Variants in DROSHA observed in about 807,000 individuals in gnomAD.
The protein encoded by DROSHA is drosha ribonuclease III, also known as ribonuclease 3.
A neutral mutation model predicts 181.9 loss-of-function variants in DROSHA; 56 were observed. The ratio of observed to expected loss-of-function variants is 0.31; its 90% CI spans 0.25 to 0.38. The LOEUF is 0.38. Among genes scored for constraint, DROSHA ranks in the 10% least tolerant of loss-of-function variants. DROSHA has a pLI of 1.00. For synonymous variants in DROSHA, 524 were observed against 591.2 expected (o/e 0.89, Z 1.65); for missense variants, 1,218 against 1,743.5 (o/e 0.70, Z 5.37).
chr5:31,463,280 A>G (rs1299732003), intron 20 of DROSHA, among the ~76,000 whole-genome samples: 1 of 152,234 alleles, frequency 6.6e-6, no homozygotes, highest in Non-Finnish European at 1.5e-5. Flanking sequence ...ATGCAAAAAT[A>G]GTTAGCTTTG....
At chr5:31,421,932 GTA>G (rs998373971) in intron 29 of DROSHA, 5 of 108,528 alleles carry the variant, frequency 4.6e-5, no homozygotes, top group African/African-American at 2.3e-4. Flanking sequence ...GTGTGTGTGT[GTA>G]TATAAATTAG....
chr5:31,460,172 A>T (rs1748248457), intron 20 of DROSHA, among the ~76,000 whole-genome samples: 1 of 152,114 alleles, frequency 6.6e-6, no homozygotes, highest in Non-Finnish European at 1.5e-5. Context: ...ATTATGCTGA[A>T]TTTTTTAGAC....
At position 31,401,408 on chromosome 5, in the gene DROSHA, T is replaced by C; in HGVS notation, c.*24A>G. ...CAGTCACAGTTACTGAGCAAGTAAA[T>C]ACTCCACACTTGCATGCCCTCCTTT... On this transcript the variant is annotated 3_prime_UTR_variant, in exon 36 of 36. Transcript: ENST00000344624. The C allele has an allele frequency of 6.2e-7, 1 of 1,607,286 alleles. No individual in the cohort carries two copies. The highest frequency in any genetic ancestry group is 8.5e-7 in the Non-Finnish European group (1 of 1,175,522).
intron 20 of DROSHA, among the ~76,000 whole-genome samples, chr5:31,460,890 C>A (rs188010881): frequency 1.3e-5 from 2 of 151,836 alleles, no homozygotes; most frequent in African/African-American, 2.4e-5. Flanking sequence ...AAGCCACAGC[C>A]AATTCTACTG....
chr5:31,442,457 C>T (rs1745709134), intron 23 of DROSHA, among the ~76,000 whole-genome samples: 1 of 152,084 alleles, frequency 6.6e-6, no homozygotes, highest in African/African-American at 2.4e-5. Flanking sequence ...CTAGCAGGAT[C>T]CAAGATGAGA....
chr5:31,518,783 T>C (rs1015961225), intron 6 of DROSHA, among the ~76,000 whole-genome samples: 1 of 152,242 alleles, frequency 6.6e-6, no homozygotes, highest in Non-Finnish European at 1.5e-5. Flanking sequence ...TAAATGCTAA[T>C]ATGGTTGATA....
At chr5:31,436,468 A>G (rs192657304) in intron 24 of DROSHA, among the ~76,000 whole-genome samples, 8 of 150,844 alleles carry the variant, frequency 5.3e-5, no homozygotes, top group African/African-American at 1.2e-4. Flanking sequence ...TCTCAGCTCA[A>G]TGCAACCTCC....
intron 4 of DROSHA, among the ~76,000 whole-genome samples, 162 bp downstream of exon 4, chr5:31,528,878 T>A (rs191548008): frequency 6.6e-6 from 1 of 152,338 alleles, no homozygotes; most frequent in Non-Finnish European, 1.5e-5. Context: ...TTCCCAGCCC[T>A]GGGCATGGCC....
chr5:31,409,220 A>T lies in DROSHA; in HGVS notation c.3750+30T>A. The T allele has an allele frequency of 6.2e-7, 1 of 1,604,356 alleles. No homozygotes were observed. The stretch of plus-strand genomic sequence containing the variant: ...TCTGGAATCACCAAACATAAAGCAG[A>T]CCACTAATTCAAACTTTATATGAGC... On this transcript the variant is annotated intron_variant, in intron 32 of 35. Transcript: ENST00000344624. This position sits in a 1 kb window ranked among gnomAD's most constrained non-coding sequence, Gnocchi z 4.0.
intron 8 of DROSHA, 79 bp from the exon 9 acceptor site, chr5:31,511,255 T>C (rs1250854879): frequency 1.5e-6 from 2 of 1,368,776 alleles, no homozygotes; most frequent in Non-Finnish European, 2.0e-6. Flanking sequence ...TCACAGGTAA[T>C]CAAAGCATTT....
Position 31,411,064 on chromosome 5 carries a change from TCTC to T in DROSHA, c.3526-180_3526-178del, listed in dbSNP as rs1741253385. ...TGATATGCTCCATGCCCATTTACCTTCTCCTTAATAACGTACTCCACTCTACTA... is the reference window on the plus strand; with the variant it reads ...TGATATGCTCCATGCCCATTTACCTTCTTAATAACGTACTCCACTCTACTA... On this transcript the variant is annotated intron_variant, in intron 30 of 35. Coordinates refer to ENST00000344624, the MANE Select transcript of DROSHA (RefSeq NM_001382508.1). The surrounding 1 kb of genome is among the most constrained non-coding windows in gnomAD (Gnocchi z 4.2). 1.3e-5 allele frequency among the ~76,000 whole-genome samples: 2 copies of T among 152,080 alleles called. No individual in the cohort carries two copies. The highest frequency in any genetic ancestry group is 2.9e-5 in the Non-Finnish European group (2 of 68,026).
chr5:31,495,383 A>G lies in DROSHA; in HGVS notation c.1669-11T>C, dbSNP rs1752861115. 6.2e-7 allele frequency: 1 copy of G among 1,610,596 alleles called. No individual in the cohort carries two copies. ...ACAGGGCTTGATGGCCTGAGGGGAA[A>G]AAAACGAAAATCAGTTTACAAGTAA... On this transcript the variant is annotated splice_polypyrimidine_tract_variant and intron_variant, in intron 11 of 35. Transcript: ENST00000344624.
At chr5:31,451,161 C>T (rs1168628650) in intron 21 of DROSHA, among the ~76,000 whole-genome samples, 1 of 151,978 alleles carries the variant, frequency 6.6e-6, no homozygotes, top group African/African-American at 2.4e-5. Context: ...GAGATCACGC[C>T]ATTGCACTCC....
At chr5:31,484,008 A>G (rs1326795984) in intron 15 of DROSHA, among the ~76,000 whole-genome samples, 3 of 152,236 alleles carry the variant, frequency 2.0e-5, no homozygotes, top group African/African-American at 7.2e-5. Context: ...ACTAAAAAAA[A>G]AATGTTGAGA....
At chr5:31,482,056 C>G (rs1370660026) in intron 16 of DROSHA, among the ~76,000 whole-genome samples, 2 of 152,182 alleles carry the variant, frequency 1.3e-5, no homozygotes, top group South Asian at 4.1e-4. Context: ...GACAAGGGCT[C>G]CTGCCCAAGG....
intron 6 of DROSHA, among the ~76,000 whole-genome samples, chr5:31,518,803 C>T (rs12514319): frequency 0.36 from 54,992 of 152,174 alleles, 12,293 homozygotes; most frequent in Non-Finnish European, 0.5. Context: ...ACAGACATTT[C>T]ATCATGTTCT....
At chr5:31,467,744 C>G (rs948896578) in intron 18 of DROSHA, 195 bp downstream of exon 18, 11 of 599,264 alleles carry the variant, frequency 1.8e-5, no homozygotes, top group Admixed American at 3.7e-5. Context: ...TAGTTTCTTG[C>G]ACTCAAATAT....
intron 3 of DROSHA, among the ~76,000 whole-genome samples, chr5:31,530,080 G>T (rs983893604): frequency 1.3e-5 from 2 of 152,126 alleles, no homozygotes; most frequent in African/African-American, 4.8e-5. Context: ...TTCAGATTAT[G>T]CTAGCAGTCA....
chr5:31,450,354 A>C (rs1321347208), intron 21 of DROSHA, among the ~76,000 whole-genome samples: 1 of 152,248 alleles, frequency 6.6e-6, no homozygotes. Context: ...AAAAGAAGTC[A>C]TTATATCAAA....
Sources: gnomAD v4.1 joint callset for allele counts (sites outside exome capture counted in the v4.1 genomes callset) on GRCh38, gnomAD v4.1.1 for gene constraint, Gnocchi (gnomAD v3.1) non-coding constraint, MANE v1.5 for transcripts, NCBI Gene and HGNC (gene_info 2026-07-23, HGNC 2026-07-21) for gene names.